Variants in CATSPERE observed in about 807,000 individuals in gnomAD.
CATSPERE encodes catsper channel auxiliary subunit epsilon.
In CATSPERE, 93 loss-of-function variants were observed where a neutral mutation model predicts 114.1. The observed-to-expected ratio is 0.81, with a 90% CI of 0.69 to 0.97. CATSPERE has a LOEUF of 0.97. Among genes scored for constraint, CATSPERE ranks in the 50% least tolerant of loss-of-function variants. CATSPERE has a pLI of 0.00. For synonymous variants in CATSPERE, 341 were observed against 384.1 expected (o/e 0.89, Z 1.31); for missense variants, 1,058 against 1,131.6 (o/e 0.93, Z 0.93).
intron 1 of CATSPERE, 105 bp from the exon 2 acceptor site, chr1:244,463,803 A>G (rs1667176568): frequency 2.1e-6 from 2 of 970,078 alleles, no homozygotes; most frequent in Non-Finnish European, 3.3e-6. Flanking sequence ...TGAGGCAGAA[A>G]GGTGACACTC....
intron 9 of CATSPERE, among the ~76,000 whole-genome samples, chr1:244,559,941 T>C (rs1662291663): frequency 6.6e-6 from 1 of 152,252 alleles, no homozygotes; most frequent in Non-Finnish European, 1.5e-5. Flanking sequence ...GAAGTATTAT[T>C]CAAAAATATA....
At chr1:244,470,672 G>A (rs1466934643) in intron 2 of CATSPERE, among the ~76,000 whole-genome samples, 2 of 152,080 alleles carry the variant, frequency 1.3e-5, no homozygotes, top group African/African-American at 4.8e-5. Flanking sequence ...TTACATCCAA[G>A]AGAAATGAAA....
At chr1:244,585,290 G>C (rs1246804187) in intron 13 of CATSPERE, among the ~76,000 whole-genome samples, 1 of 152,166 alleles carries the variant, frequency 6.6e-6, no homozygotes, top group African/African-American at 2.4e-5. Flanking sequence ...AGTACCCAAA[G>C]CAATGCCTAT....
intron 10 of CATSPERE, among the ~76,000 whole-genome samples, chr1:244,563,033 C>T (rs1191356655): frequency 2.0e-5 from 3 of 152,178 alleles, no homozygotes; most frequent in African/African-American, 7.2e-5. Flanking sequence ...TGGTTTCCAG[C>T]TTTATCCATG....
Position 244,463,899 on chromosome 1 carries a change from C to A in CATSPERE, c.66-9C>A. ...TTTTAATATTTATACTTGGCCTCTTCCTCCACAGGTATTCCACTAACAGCC... is the reference window on the plus strand; with the variant it reads ...TTTTAATATTTATACTTGGCCTCTTACTCCACAGGTATTCCACTAACAGCC... On this transcript the variant is annotated splice_polypyrimidine_tract_variant and intron_variant, in intron 1 of 21. Coordinates refer to ENST00000366534, the MANE Select transcript of CATSPERE (RefSeq NM_001130957.2). 8 of 1,591,028 alleles carry A rather than the reference C, an allele frequency of 5.0e-6. No homozygotes were observed. The highest frequency in any genetic ancestry group is 6.9e-6 in the Non-Finnish European group (8 of 1,159,362).
rs184777658 is a variant in CATSPERE at position 244,475,771 on chromosome 1, G to A, written c.115-1770G>A. Among the ~76,000 whole-genome samples, 9 of 151,840 alleles carry A rather than the reference G, an allele frequency of 5.9e-5. No individual in the cohort carries two copies. In the South Asian group the frequency reaches 1.0e-3, roughly 18 times the overall value. ...AGGATGGTCTCGATCTCCTGACCTC[G>A]TGATCTGCCTGCCTCAGCCTCCCAA... On this transcript the variant is annotated intron_variant, in intron 2 of 21. Transcript: ENST00000366534.
chr1:244,455,589 C>T (rs1666075537), intron 1 of CATSPERE, among the ~76,000 whole-genome samples: 1 of 140,820 alleles, frequency 7.1e-6, no homozygotes, highest in African/African-American at 2.5e-5. Context: ...ATTTAAAAGG[C>T]CTTTATGTTT....
At chr1:244,532,128 T>C (rs538086155) in intron 8 of CATSPERE, among the ~76,000 whole-genome samples, 59 of 152,290 alleles carry the variant, frequency 3.9e-4, no homozygotes, top group African/African-American at 1.3e-3. Context: ...TTGCTCATAG[T>C]AGCCTCTAAT....
Position 244,558,588 on chromosome 1 carries a change from G to A in CATSPERE, c.1030-2080G>A, listed in dbSNP as rs76354642. 4.9e-3 allele frequency among the ~76,000 whole-genome samples: 742 copies of A among 152,180 alleles called. 6 individuals carry two copies. The highest frequency in any genetic ancestry group is 0.017 in the African/African-American group (704 of 41,524). ...CTGACAACATTCCAGAGACCTCTTA[G>A]TACTTCACAGTGGTGCCACCAACCT... On this transcript the variant is annotated intron_variant, in intron 9 of 21. Coordinates refer to ENST00000366534, the MANE Select transcript of CATSPERE (RefSeq NM_001130957.2).
chr1:244,454,532 A>G (rs1023202025), exon 1 of CATSPERE: 5 of 151,772 alleles, frequency 3.3e-5, no homozygotes, highest in African/African-American at 1.2e-4. Context: ...AGCACAAGCA[A>G]GCAGGGTCAT....
intron 20 of CATSPERE, among the ~76,000 whole-genome samples, chr1:244,626,859 G>A (rs953734234): frequency 1.3e-5 from 2 of 152,156 alleles, no homozygotes. Context: ...CTCTATATCC[G>A]TAATAAGGCT....
At chr1:244,636,576 A>C (rs1164658446) in intron 21 of CATSPERE, 3 of 152,284 alleles carry the variant, frequency 2.0e-5, no homozygotes, top group Non-Finnish European at 4.4e-5. Flanking sequence ...GATTTAGGTG[A>C]ATATTAAGGT....
chr1:244,549,871 G>A (rs753260847), intron 8 of CATSPERE, among the ~76,000 whole-genome samples: 3 of 152,160 alleles, frequency 2.0e-5, no homozygotes, highest in Non-Finnish European at 4.4e-5. Flanking sequence ...ATTTGAATTG[G>A]TAGACTGAGT....
In CATSPERE at chr1:244,593,439, G is replaced by A; in HGVS notation, c.2223+11G>A. ...CCATCGAAAAACTTGGTAAGAAAATGATAAAATTCTGTCAATGGACCAAAT... is the reference window on the plus strand; with the variant it reads ...CCATCGAAAAACTTGGTAAGAAAATAATAAAATTCTGTCAATGGACCAAAT... On this transcript the variant is annotated intron_variant, in intron 16 of 21. Coordinates refer to ENST00000366534, the MANE Select transcript of CATSPERE (RefSeq NM_001130957.2). 6.2e-7 allele frequency: 1 copy of A among 1,613,598 alleles called. No individual in the cohort carries two copies. Among genetic ancestry groups the A allele is most frequent in the Non-Finnish European group, 8.5e-7 (1 of 1,179,890 alleles).
At chr1:244,454,372 T>C (rs1665931902), upstream of CATSPERE, 1 of 152,188 alleles carries the variant, frequency 6.6e-6, no homozygotes, top group Non-Finnish European at 1.5e-5. Flanking sequence ...TGTGTTTTGT[T>C]ATGTGTGTTT....
chr1:244,582,981 C>A (rs1666454628), intron 12 of CATSPERE, among the ~76,000 whole-genome samples: 4 of 62,456 alleles, frequency 6.4e-5, no homozygotes, highest in African/African-American at 1.7e-4. Flanking sequence ...ATATATAAAT[C>A]AGTGACAGAG....
Position 244,610,263 on chromosome 1 carries a change from G to A in CATSPERE, c.2427G>A (p.Gln809=). Reference sequence around the variant, plus strand: ...AGAGTGGTTGTTTACATGAAGCACAGACATGGAAGTCAATGATTGAACTTA... The same window carrying A: ...AGAGTGGTTGTTTACATGAAGCACAAACATGGAAGTCAATGATTGAACTTA... ...MAQSGCLHEA[Q]TWKSMIELNK... is the part of the protein sequence containing the mutation. Residue 809 remains glutamine (Q), a synonymous_variant, in exon 19 of 22, where the codon CAG becomes CAA. Transcript: ENST00000366534. 6.2e-7 allele frequency: 1 copy of A among 1,612,022 alleles called. No individual in the cohort carries two copies. The highest frequency in any genetic ancestry group is 8.5e-7 in the Non-Finnish European group (1 of 1,179,032).
At chr1:244,495,624 G>A (rs557818082) in intron 6 of CATSPERE, among the ~76,000 whole-genome samples, 1 of 152,262 alleles carries the variant, frequency 6.6e-6, no homozygotes, top group Non-Finnish European at 1.5e-5. Flanking sequence ...GGGAGGCTGA[G>A]GCTGGAGAAT....
At chr1:244,593,737 C>T (rs1434595095) in intron 17 of CATSPERE, among the ~76,000 whole-genome samples, 159 bp downstream of exon 17, 1 of 152,140 alleles carries the variant, frequency 6.6e-6, no homozygotes, top group Non-Finnish European at 1.5e-5. Flanking sequence ...AAAGCTGGGC[C>T]GTGATGGTCC....
Sources: gnomAD v4.1 joint callset for allele counts (sites outside exome capture counted in the v4.1 genomes callset) on GRCh38, gnomAD v4.1.1 for gene constraint, MANE v1.5 for transcripts, NCBI Gene and HGNC (gene_info 2026-07-23, HGNC 2026-07-21) for gene names.